CNTNAP2: variants seen among roughly 807,000 people sequenced by gnomAD.
CNTNAP2 encodes contactin-associated protein-like 2.
Under a neutral mutation model 155.2 loss-of-function variants are expected in CNTNAP2, and 98 were observed. The observed-to-expected ratio is 0.63, with a 90% CI of 0.54 to 0.75. The LOEUF is 0.75. Ranked by LOEUF, CNTNAP2 falls within the 30% of genes least tolerant of loss-of-function variation. CNTNAP2 has a pLI of 0.00. For synonymous variants in CNTNAP2, 651 were observed against 631.2 expected (o/e 1.03, Z -0.47); for missense variants, 1,727 against 1,688.1 (o/e 1.02, Z -0.40).
chr7:148,406,159 G>C (rs1585350808), intron 22 of CNTNAP2, among the ~76,000 whole-genome samples: 1 of 152,012 alleles, frequency 6.6e-6, no homozygotes, highest in African/African-American at 2.4e-5. Flanking sequence ...GTGAACCCAG[G>C]AGGCAGAGCT....
At chr7:147,220,041 T>A (rs1274553657) in intron 8 of CNTNAP2, among the ~76,000 whole-genome samples, 1 of 151,096 alleles carries the variant, frequency 6.6e-6, no homozygotes, top group Non-Finnish European at 1.5e-5. Flanking sequence ...TGCCTGCCTC[T>A]GCCTCCCAAA....
chr7:147,101,334 A>G (rs944207282), intron 4 of CNTNAP2, among the ~76,000 whole-genome samples: 1 of 152,188 alleles, frequency 6.6e-6, no homozygotes, highest in Non-Finnish European at 1.5e-5. Flanking sequence ...GACTTGCAAC[A>G]AGGGTGTGGC....
rs1298949067 is a variant in CNTNAP2 at position 147,993,593 on chromosome 7, C to A, written c.2383+15604C>A. Among the ~76,000 whole-genome samples, 3 of 152,164 alleles carry A rather than the reference C, an allele frequency of 2.0e-5. 1 individual carries two copies. Among genetic ancestry groups the A allele is most frequent in the African/African-American group, 7.2e-5 (3 of 41,444 alleles). On this transcript the variant is annotated intron_variant, in intron 15 of 23. Coordinates refer to ENST00000361727, the MANE Select transcript of CNTNAP2 (RefSeq NM_014141.6). Reference sequence around the variant, plus strand: ...TAAGAAAGCAAACTTTACACCTTCACTTAGGGGTTGAGAAAGAGAATGAGC... The same window carrying A: ...TAAGAAAGCAAACTTTACACCTTCAATTAGGGGTTGAGAAAGAGAATGAGC...
chr7:147,044,910 T>C (rs541100856), intron 4 of CNTNAP2, among the ~76,000 whole-genome samples: 1 of 152,264 alleles, frequency 6.6e-6, no homozygotes, highest in South Asian at 2.1e-4. Flanking sequence ...TGAATTCTTC[T>C]TGAGAGGATA....
At chr7:148,291,701 C>A (rs575420673) in intron 21 of CNTNAP2, among the ~76,000 whole-genome samples, 2 of 152,258 alleles carry the variant, frequency 1.3e-5, no homozygotes, top group African/African-American at 4.8e-5. Flanking sequence ...TTAGTATTAA[C>A]CCTCACAGCA....
intron 11 of CNTNAP2, among the ~76,000 whole-genome samples, chr7:147,513,806 C>G (rs550685557): frequency 2.0e-5 from 3 of 152,358 alleles, no homozygotes; most frequent in South Asian, 4.1e-4. Flanking sequence ...TAAAATGGAA[C>G]CAGAGACGCA....
At chr7:148,146,800 C>T (rs547573300) in intron 16 of CNTNAP2, among the ~76,000 whole-genome samples, 1 of 152,048 alleles carries the variant, frequency 6.6e-6, no homozygotes, top group Admixed American at 6.5e-5. Context: ...AACAATAGGT[C>T]ACCGTCATTA....
intron 13 of CNTNAP2, among the ~76,000 whole-genome samples, chr7:147,877,702 A>G (rs1026628719): frequency 2.0e-5 from 3 of 152,042 alleles, no homozygotes; most frequent in Non-Finnish European, 4.4e-5. Context: ...TACAAATTAG[A>G]GATACTAGCT....
chr7:147,383,580 T>C lies in CNTNAP2; in HGVS notation c.1499-12029T>C, dbSNP rs780923723. ...GTGGGAGTTGAACAATGAGAACACA[T>C]GGACACAGGGAGGGGAACACCACGC... On this transcript the variant is annotated intron_variant, in intron 9 of 23. Transcript: ENST00000361727. Among the ~76,000 whole-genome samples the C allele has an allele frequency of 3.3e-5, 5 of 151,682 alleles. No individual in the cohort carries two copies. The South Asian group carries it at 1.0e-3, about 32-fold the overall frequency.
chr7:147,586,565 GGGAGGGAGGGAGGGAAAGAGGAAA>G lies in CNTNAP2; in HGVS notation c.1897+24317_1897+24340del, dbSNP rs1248996198. On this transcript the variant is annotated intron_variant, in intron 12 of 23. Transcript: ENST00000361727. Reference sequence around the variant, plus strand: ...AGGAAGGGAGGGAGGGAGGGAGGGAGGGAGGGAGGGAGGGAAAGAGGAAAGGAGGGAGAAAAGGAGGGAATGGGA... The same window carrying G: ...AGGAAGGGAGGGAGGGAGGGAGGGAGGGAGGGAGAAAAGGAGGGAATGGGA... 4.4e-3 allele frequency among the ~76,000 whole-genome samples: 548 copies of G among 123,322 alleles called. 7 individuals carry two copies. Among genetic ancestry groups the G allele is most frequent in the East Asian group, 0.012 (40 of 3,462 alleles). 80.9% of individuals were successfully genotyped at this position (123,322 alleles called of 152,430 possible).
At chr7:147,330,953 G>C (rs898087645) in intron 9 of CNTNAP2, among the ~76,000 whole-genome samples, 1 of 152,176 alleles carries the variant, frequency 6.6e-6, no homozygotes, top group Non-Finnish European at 1.5e-5. Context: ...CTGTATTCAA[G>C]CTTCCTTTCT....
At chr7:146,593,314 G>T (rs935322026) in intron 1 of CNTNAP2, among the ~76,000 whole-genome samples, 2 of 151,976 alleles carry the variant, frequency 1.3e-5, no homozygotes, top group African/African-American at 4.8e-5. Context: ...GGGGCAGTTG[G>T]CTTGCATATA....
intron 9 of CNTNAP2, among the ~76,000 whole-genome samples, chr7:147,327,897 C>A (rs2116834563): frequency 6.6e-6 from 1 of 152,170 alleles, no homozygotes; most frequent in Non-Finnish European, 1.5e-5. Context: ...ATCCATTAAG[C>A]CGTTATCAGC....
At chr7:146,777,506 G>A (rs1802411019) in intron 2 of CNTNAP2, among the ~76,000 whole-genome samples, 3 of 151,892 alleles carry the variant, frequency 2.0e-5, no homozygotes, top group African/African-American at 2.4e-5. Context: ...AGAAAGAAAG[G>A]TTATATCCTC....
chr7:148,260,838 A>C (rs1267617776), intron 20 of CNTNAP2, among the ~76,000 whole-genome samples: 1 of 152,236 alleles, frequency 6.6e-6, no homozygotes, highest in African/African-American at 2.4e-5. Context: ...CAATGTTTAC[A>C]GGCATGTGAG....
chr7:146,515,715 G>A (rs999335095), intron 1 of CNTNAP2, among the ~76,000 whole-genome samples: 1 of 151,926 alleles, frequency 6.6e-6, no homozygotes, highest in African/African-American at 2.4e-5. Flanking sequence ...GACCCCAATG[G>A]GAATTTGTAG....
chr7:147,346,434 G>GT (rs1422423358), intron 9 of CNTNAP2, among the ~76,000 whole-genome samples: 6 of 152,198 alleles, frequency 3.9e-5, no homozygotes, highest in African/African-American at 1.2e-4. Flanking sequence ...GATTACAGGC[G>GT]TGAGCCACCG....
chr7:147,136,789 A>G (rs919954241), intron 8 of CNTNAP2, among the ~76,000 whole-genome samples: 11 of 152,000 alleles, frequency 7.2e-5, no homozygotes, highest in Non-Finnish European at 1.6e-4. Context: ...CATATGAGAA[A>G]AAAGGTCTCA....
Position 148,172,435 on chromosome 7 carries a change from C to T in CNTNAP2, c.2967C>T (p.Cys989=), listed in dbSNP as rs756128907. 32 of 1,614,020 alleles carry T rather than the reference C, an allele frequency of 2.0e-5. No individual in the cohort carries two copies. The East Asian group carries it at 4.5e-4, about 22-fold the overall frequency. The change falls in exon 18 of 24, where the codon TGC becomes TGT. Residue 989 remains cysteine (C), a synonymous_variant. Coordinates refer to ENST00000361727, the MANE Select transcript of CNTNAP2 (RefSeq NM_014141.6). Reference sequence around the variant, plus strand: ...TAGAGAGATACCACGGTTACTCCTGCGATTGCTCTAATACTGCATATGATG... The same window carrying T: ...TAGAGAGATACCACGGTTACTCCTGTGATTGCTCTAATACTGCATATGATG... ...KCLERYHGYS[C]DCSNTAYDGT...
Sources: gnomAD v4.1 joint callset for allele counts (sites outside exome capture counted in the v4.1 genomes callset) on GRCh38, gnomAD v4.1.1 for gene constraint, MANE v1.5 for transcripts, NCBI Gene and HGNC (gene_info 2026-07-23, HGNC 2026-07-21) for gene names.